The following BCKDHB variants were observed in gnomAD, a reference collection of about 807,000 sequenced individuals.
BCKDHB encodes branched chain keto acid dehydrogenase E1 subunit beta.
In BCKDHB, 41 loss-of-function variants were observed where a neutral mutation model predicts 48.5. That is an observed-to-expected ratio of 0.85 (90% CI 0.66 to 1.10). The LOEUF (loss-of-function observed/expected upper bound fraction) is 1.10. Ranked by LOEUF, BCKDHB falls within the 50% of genes least tolerant of loss-of-function variation. BCKDHB has a pLI of 0.00. For synonymous variants in BCKDHB, 201 were observed against 174.8 expected, an observed-to-expected ratio of 1.15 and a Z score of -1.18; for missense variants, 496 against 494.2, an observed-to-expected ratio of 1.00 and a Z score of -0.03.
chr6:80,276,032 A>G (rs574048751), intron 9 of BCKDHB, among the ~76,000 whole-genome samples: 3 of 151,954 alleles, frequency 2.0e-5, no homozygotes, highest in Non-Finnish European at 4.4e-5. Flanking sequence ...TACACGGACA[A>G]CTCTTTCATT....
At chr6:80,180,376 G>A (rs943777319) in intron 6 of BCKDHB, among the ~76,000 whole-genome samples, 3 of 152,128 alleles carry the variant, frequency 2.0e-5, no homozygotes, top group African/African-American at 7.2e-5. Context: ...AATCCAGCTG[G>A]TGTAAAAAAT....
At chr6:80,369,984 A>T in the BCKDHB span, among the ~76,000 whole-genome samples, 4 of 152,350 alleles carry the variant, frequency 2.6e-5, no homozygotes, top group Non-Finnish European at 5.9e-5. Flanking sequence ...ATTGTTTTAA[A>T]CATCATTTAC....
At chr6:80,408,867 T>C in the BCKDHB span, among the ~76,000 whole-genome samples, 37 of 151,992 alleles carry the variant, frequency 2.4e-4, no homozygotes, top group South Asian at 5.0e-3. Flanking sequence ...TGTGTCTCTA[T>C]CTCCTTCAGT....
At chr6:80,281,730 C>G (rs562530953) in intron 9 of BCKDHB, among the ~76,000 whole-genome samples, 109 of 152,084 alleles carry the variant, frequency 7.2e-4, no homozygotes, top group Non-Finnish European at 1.4e-3. Context: ...CTGTCTTCTC[C>G]CTCTCCTCCC....
At chr6:80,316,805 T>C (rs1355144766) in intron 9 of BCKDHB, among the ~76,000 whole-genome samples, 2 of 152,240 alleles carry the variant, frequency 1.3e-5, no homozygotes, top group Non-Finnish European at 2.9e-5. Flanking sequence ...GTTTCATGCA[T>C]AGACTATGCC....
intron 3 of BCKDHB, among the ~76,000 whole-genome samples, chr6:80,153,422 G>C (rs1771887740): frequency 6.6e-6 from 1 of 152,102 alleles, no homozygotes; most frequent in Admixed American, 6.6e-5. Context: ...CTTCCAGCTG[G>C]AGTGGATAGA....
chr6:80,143,757 G>A (rs767638373), intron 3 of BCKDHB, among the ~76,000 whole-genome samples: 27 of 152,150 alleles, frequency 1.8e-4, no homozygotes, highest in Non-Finnish European at 3.4e-4. Context: ...ACCTTCTCTT[G>A]TGGCATCCTG....
At chr6:80,193,033 C>G (rs1773970612) in intron 6 of BCKDHB, among the ~76,000 whole-genome samples, 1 of 152,022 alleles carries the variant, frequency 6.6e-6, no homozygotes, top group African/African-American at 2.4e-5. Context: ...ATTGCCCAGG[C>G]TGGTCTCGAA....
chr6:80,323,060 G>A (rs1768831814), intron 9 of BCKDHB, among the ~76,000 whole-genome samples: 1 of 152,080 alleles, frequency 6.6e-6, no homozygotes, highest in Non-Finnish European at 1.5e-5. Context: ...TCTGCCACAT[G>A]CAAAGTGCAT....
At chr6:80,122,751 C>T (rs1315982025) in intron 1 of BCKDHB, among the ~76,000 whole-genome samples, 2 of 152,172 alleles carry the variant, frequency 1.3e-5, no homozygotes, top group African/African-American at 4.8e-5. Flanking sequence ...AAGGGTCTAT[C>T]TTCAGCTTTG....
intron 9 of BCKDHB, among the ~76,000 whole-genome samples, chr6:80,324,871 T>C (rs1768953067): frequency 6.6e-6 from 1 of 152,192 alleles, no homozygotes; most frequent in Non-Finnish European, 1.5e-5. Flanking sequence ...AGGTCGTATT[T>C]CAACTAGTAA....
At chr6:80,188,922 T>G (rs1773770702) in intron 6 of BCKDHB, among the ~76,000 whole-genome samples, 1 of 152,198 alleles carries the variant, frequency 6.6e-6, no homozygotes, top group Admixed American at 6.6e-5. Context: ...TGTGGTCATA[T>G]GAGGGCCACT....
intron 8 of BCKDHB, among the ~76,000 whole-genome samples, chr6:80,231,186 C>T (rs1242171375): frequency 6.6e-6 from 1 of 152,078 alleles, no homozygotes; most frequent in Non-Finnish European, 1.5e-5. Flanking sequence ...GTAAATTCTA[C>T]TTAATTATAC....
rs9448915 is a variant in BCKDHB at position 80,248,720 on chromosome 6, G to A, written c.952-24415G>A. ...TTTAAGGTATCCAGTGGCTGGTGTG[G>A]TACCTTAGAGAGGCTCTCACTCCAA... is the stretch of plus-strand genomic sequence containing the variant. On this transcript the variant is annotated intron_variant, in intron 8 of 9. Transcript: ENST00000320393. 9.9e-4 allele frequency among the ~76,000 whole-genome samples: 151 copies of A among 152,212 alleles called. 1 individual carries two copies. The highest frequency in any genetic ancestry group is 3.4e-3 in the Middle Eastern group (1 of 294).
At chr6:80,407,844 A>C in the BCKDHB span, among the ~76,000 whole-genome samples, 2 of 152,024 alleles carry the variant, frequency 1.3e-5, no homozygotes, top group African/African-American at 2.4e-5. Flanking sequence ...AATACCCTTT[A>C]TTTCTTTCTT....
intron 6 of BCKDHB, among the ~76,000 whole-genome samples, chr6:80,197,328 T>A (rs1774177617): frequency 6.6e-6 from 1 of 152,250 alleles, no homozygotes; most frequent in African/African-American, 2.4e-5. Flanking sequence ...AAATTAATTC[T>A]TATTCTCCTG....
At chr6:80,309,328 G>A (rs1013908390) in intron 9 of BCKDHB, among the ~76,000 whole-genome samples, 1 of 152,268 alleles carries the variant, frequency 6.6e-6, no homozygotes, top group African/African-American at 2.4e-5. Flanking sequence ...GCCTCCCAAA[G>A]TATTGGGATT....
intron 9 of BCKDHB, 117 bp from the exon 10 acceptor site, chr6:80,343,547 T>A (rs997152612): frequency 1.8e-5 from 21 of 1,141,772 alleles, no homozygotes; most frequent in Non-Finnish European, 2.7e-5. Flanking sequence ...ACTTAAATAT[T>A]TTTAATGTCC....
the BCKDHB span, among the ~76,000 whole-genome samples, chr6:80,446,175 A>C: frequency 6.6e-6 from 1 of 152,220 alleles, no homozygotes; most frequent in Non-Finnish European, 1.5e-5. Context: ...ATGATAAGTG[A>C]TTGTCAAATC....
Sources: allele counts gnomAD v4.1 joint callset (sites outside exome capture counted in the v4.1 genomes callset), GRCh38; gene constraint gnomAD v4.1.1; transcripts MANE v1.5; gene names NCBI Gene and HGNC (gene_info 2026-07-23, HGNC 2026-07-21).